CDC20B: variants seen among roughly 807,000 people sequenced by gnomAD.
CDC20B encodes cell division cycle protein 20 homolog B.
CDC20B carries 58 observed loss-of-function variants against 64.1 expected under a neutral mutation model. The ratio of observed to expected loss-of-function variants is 0.90; its 90% CI spans 0.73 to 1.13. CDC20B has a LOEUF of 1.13. Among genes scored for constraint, CDC20B ranks in the 50% most tolerant of loss-of-function variants. The pLI is 0.00. For synonymous variants in CDC20B, 243 were observed against 230.6 expected, an observed-to-expected ratio of 1.05 and a Z score of -0.49; for missense variants, 597 against 633.0, an observed-to-expected ratio of 0.94 and a Z score of 0.61.
chr5:55,146,551 A>G (rs188644639), intron 3 of CDC20B, 77 bp downstream of exon 3: 12 of 1,059,460 alleles, frequency 1.1e-5, no homozygotes, highest in Non-Finnish European at 1.7e-5. Flanking sequence ...CCTTAGTTCT[A>G]CAAGACAAAG....
chr5:55,159,474 T>C (rs17682812), intron 2 of CDC20B, among the ~76,000 whole-genome samples: 25,052 of 152,166 alleles, frequency 0.16, 2,186 homozygotes, highest in East Asian at 0.26. Flanking sequence ...TACCCAGTTA[T>C]GTTGTAAAGT....
chr5:55,168,987 G>A (rs1406128477), intron 2 of CDC20B, among the ~76,000 whole-genome samples: 1 of 151,748 alleles, frequency 6.6e-6, no homozygotes, highest in Non-Finnish European at 1.5e-5. Flanking sequence ...AATAAAGTTG[G>A]CATTTTATAT....
chr5:55,131,325 A>G (rs890066389), intron 6 of CDC20B, among the ~76,000 whole-genome samples: 2 of 152,216 alleles, frequency 1.3e-5, no homozygotes, highest in Admixed American at 1.3e-4. Flanking sequence ...TGACGACAAA[A>G]CACAATACAA....
Position 55,128,583 on chromosome 5 carries a change from A to G in CDC20B, c.732T>C (p.Leu244=), listed in dbSNP as rs546966348. Residue 244 remains leucine, a synonymous_variant, in exon 7 of 12, where the codon CTT becomes CTC. Coordinates refer to ENST00000381375, the MANE Select transcript of CDC20B (RefSeq NM_001170402.1). ...LNILDWSFQN[L]VAIALGSAVY... is the part of the protein sequence containing the mutation. Reference sequence around the variant, plus strand: ...CAGCAGAGCCCAGGGCTATGGCAACAAGATTCTGAAAACTCCAATCTAGGA... The same window carrying G: ...CAGCAGAGCCCAGGGCTATGGCAACGAGATTCTGAAAACTCCAATCTAGGA... 1.9e-6 allele frequency: 3 copies of G among 1,572,888 alleles called. No individual in the cohort carries two copies. The Admixed American group carries it at 6.5e-5, about 34-fold the overall frequency.
chr5:55,133,447 A>G lies in CDC20B; in HGVS notation c.662T>C (p.Val221Ala). ...DINDSILQPEVKIHITGLRND... is the reference protein window; with the variant it reads ...DINDSILQPEAKIHITGLRND... ...TCGAAGACCAGTAATATGAATCTTC[A>G]CCTCTGGTTGGAGTATGGAATCGTT... The change falls in exon 6 of 12, where the codon GTG (valine) becomes GCG (alanine). Residue 221 changes from valine to alanine, a missense_variant. Physicochemically the swap from Val to Ala is moderately conservative, Grantham distance 64 (BLOSUM62 0). Transcript: ENST00000381375. 1.9e-6 allele frequency: 3 copies of G among 1,573,564 alleles called. No homozygotes were observed. The highest frequency in any genetic ancestry group is 2.6e-6 in the Non-Finnish European group (3 of 1,151,738).
chr5:55,139,180 A>T (rs1359493644), intron 5 of CDC20B, among the ~76,000 whole-genome samples: 2 of 152,186 alleles, frequency 1.3e-5, no homozygotes, highest in African/African-American at 4.8e-5. Flanking sequence ...TGACTTCTCA[A>T]CAGCAACAGT....
chr5:55,160,564 CT>C, intron 2 of CDC20B: 3 of 569,918 alleles, frequency 5.3e-6, no homozygotes, highest in Non-Finnish European at 9.1e-6. Flanking sequence ...TAGTTTGCTT[CT>C]AAATAATAAA....
At chr5:55,161,083 A>T in intron 2 of CDC20B, 1 of 1,614,222 alleles carries the variant, frequency 6.2e-7, no homozygotes, top group Non-Finnish European at 8.5e-7. Flanking sequence ...AGTTTGGACC[A>T]TCCCACTTCA....
chr5:55,122,967 T>C (rs746321481), intron 9 of CDC20B, among the ~76,000 whole-genome samples: 10 of 152,322 alleles, frequency 6.6e-5, no homozygotes, highest in Admixed American at 2.0e-4. Flanking sequence ...AAATGATTAT[T>C]GTTTTAAGCC....
chr5:55,144,433 G>T (rs1743417230), intron 3 of CDC20B, among the ~76,000 whole-genome samples: 1 of 152,110 alleles, frequency 6.6e-6, no homozygotes, highest in Admixed American at 6.6e-5. Context: ...GGGACCATTG[G>T]AAAATCTTAG....
chr5:55,129,896 A>G (rs1742986019), intron 6 of CDC20B, among the ~76,000 whole-genome samples: 1 of 152,254 alleles, frequency 6.6e-6, no homozygotes, highest in Non-Finnish European at 1.5e-5. Context: ...CACAGGACCC[A>G]GTGACTATAA....
intron 7 of CDC20B, 70 bp downstream of exon 7, chr5:55,128,351 T>C (rs1028097133): frequency 5.6e-6 from 7 of 1,247,122 alleles, no homozygotes; most frequent in African/African-American, 1.6e-5. Context: ...CATTAACTTG[T>C]TATTAAAAGT....
At chr5:55,122,627 A>C (rs1742786450) in intron 9 of CDC20B, among the ~76,000 whole-genome samples, 1 of 152,196 alleles carries the variant, frequency 6.6e-6, no homozygotes, top group African/African-American at 2.4e-5. Context: ...GTGACACTGC[A>C]TGAATTGCAA....
chr5:55,138,285 C>A (rs1173376625), intron 5 of CDC20B, among the ~76,000 whole-genome samples: 1 of 152,072 alleles, frequency 6.6e-6, no homozygotes, highest in Non-Finnish European at 1.5e-5. Flanking sequence ...CTCAATCTCC[C>A]AAGTAGCTGG....
chr5:55,133,023 T>C (rs1340472266), intron 6 of CDC20B, among the ~76,000 whole-genome samples: 3 of 152,218 alleles, frequency 2.0e-5, no homozygotes, highest in African/African-American at 7.2e-5. Context: ...CCTTGGCATA[T>C]GGTATCAGTT....
chr5:55,148,782 TG>T (rs1196892495), intron 2 of CDC20B, among the ~76,000 whole-genome samples: 2 of 152,266 alleles, frequency 1.3e-5, no homozygotes, highest in Non-Finnish European at 2.9e-5. Context: ...GTAGTTACTA[TG>T]TATGAAACCA....
At chr5:55,132,474 T>C (rs1208861795) in intron 6 of CDC20B, among the ~76,000 whole-genome samples, 1 of 152,204 alleles carries the variant, frequency 6.6e-6, no homozygotes, top group Non-Finnish European at 1.5e-5. Flanking sequence ...TATTCAAGCA[T>C]AGTCTTTCCT....
intron 2 of CDC20B, 33 bp from the exon 3 acceptor site, chr5:55,146,889 T>A: frequency 2.0e-6 from 3 of 1,533,912 alleles, no homozygotes; most frequent in Non-Finnish European, 2.7e-6. Context: ...GTAAGTCCAC[T>A]GGCCTCAGTG....
chr5:55,160,465 T>TGG (rs1397380624), intron 2 of CDC20B: 18 of 1,311,440 alleles, frequency 1.4e-5, no homozygotes, highest in Admixed American at 1.9e-5. Flanking sequence ...CTTAATAAAA[T>TGG]CAATTTTTTG....
Sources: gnomAD v4.1 joint callset for allele counts (sites outside exome capture counted in the v4.1 genomes callset) on GRCh38, gnomAD v4.1.1 for gene constraint, MANE v1.5 for transcripts, NCBI Gene and HGNC (gene_info 2026-07-23, HGNC 2026-07-21) for gene names.